The following ECD variants were observed in gnomAD, a reference collection of about 807,000 sequenced individuals.
ECD encodes ecdysoneless cell cycle regulator, also known as protein ecdysoneless homolog.
In ECD, 59 loss-of-function variants were observed where a neutral mutation model predicts 77.2. The observed-to-expected ratio is 0.76, with a 90% confidence interval of 0.62 to 0.95. The LOEUF (loss-of-function observed/expected upper bound fraction) is 0.95. Among genes scored for constraint, ECD ranks in the 40% least tolerant of loss-of-function variants. The pLI is 0.00. For missense variants in ECD, 704 were observed against 763.4 expected (o/e 0.92, Z 0.92); for synonymous variants, 233 against 267.4 (o/e 0.87, Z 1.26).
intron 9 of ECD, among the ~76,000 whole-genome samples, chr10:73,139,982 C>T (rs12268142): frequency 0.025 from 3,847 of 151,600 alleles, 158 homozygotes; most frequent in African/African-American, 0.082. Context: ...AAACACCTGG[C>T]TCTAATTTGT....
intron 11 of ECD, 132 bp downstream of exon 11, chr10:73,139,177 A>T: frequency 1.2e-6 from 1 of 832,714 alleles, no homozygotes; most frequent in Non-Finnish European, 1.8e-6. Context: ...TCACTATACT[A>T]GGCACAAAAA....
chr10:73,158,238 G>T (rs988643024), intron 3 of ECD, among the ~76,000 whole-genome samples: 1 of 151,988 alleles, frequency 6.6e-6, no homozygotes, highest in African/African-American at 2.4e-5. Context: ...TGGGATTACA[G>T]ATGTGAGCCA....
chr10:73,154,498 T>G (rs11000530), intron 5 of ECD, 50 bp from the exon 6 acceptor site: 141,660 of 1,476,882 alleles, frequency 0.096, 11,396 homozygotes, highest in African/African-American at 0.34. Flanking sequence ...TAAATACCTA[T>G]AATTCTTATA....
intron 3 of ECD, among the ~76,000 whole-genome samples, chr10:73,157,336 C>G (rs1373922929): frequency 6.6e-6 from 1 of 151,740 alleles, no homozygotes; most frequent in Non-Finnish European, 1.5e-5. Flanking sequence ...AGGTGTGAGC[C>G]ACCACGCCCG....
chr10:73,156,637 A>G lies in ECD; in HGVS notation c.342T>C (p.Gly114=), dbSNP rs1460577114. The G allele has an allele frequency of 1.1e-5, 17 of 1,613,512 alleles. No individual in the cohort carries two copies. In the East Asian group the frequency reaches 3.8e-4, roughly 36 times the overall value. The change falls in exon 4 of 14, where the codon GGT becomes GGC. Residue 114 remains glycine (G), a synonymous_variant. Transcript: ENST00000372979. ...ELVARIEDND[G]EFLLIEAADF... is the part of the protein sequence containing the mutation. ...CAGCAGCTTCTATTAACAAGAATTC[A>G]CCATCATTGTCTTCAATCCTAATGC... is the stretch of plus-strand genomic sequence containing the variant.
intron 7 of ECD, among the ~76,000 whole-genome samples, chr10:73,150,653 A>G (rs1843189965): frequency 6.6e-6 from 1 of 152,252 alleles, no homozygotes; most frequent in Admixed American, 6.5e-5. Flanking sequence ...TCCAGAATCT[A>G]CAAAGAACTT....
At chr10:73,139,167 T>A (rs1228793604) in intron 11 of ECD, 142 bp downstream of exon 11, 3 of 735,576 alleles carry the variant, frequency 4.1e-6, no homozygotes, top group Non-Finnish European at 4.1e-6. Context: ...AAGTAAGTTA[T>A]CACTATACTA....
intron 13 of ECD, among the ~76,000 whole-genome samples, 153 bp downstream of exon 13, chr10:73,136,551 T>C (rs1842975548): frequency 6.6e-6 from 1 of 152,240 alleles, no homozygotes; most frequent in African/African-American, 2.4e-5. Context: ...ATTAAGTCTA[T>C]GATCCTTTAT....
rs963153279 is a variant in ECD, at chr10:73,134,504, T to C, written c.*79A>G. 3 of 1,304,644 alleles carry C rather than the reference T, an allele frequency of 2.3e-6. No homozygotes were observed. Among genetic ancestry groups the C allele is most frequent in the Non-Finnish European group, 3.2e-6 (3 of 948,836 alleles). 80.8% of individuals were successfully genotyped at this position (1,304,644 alleles called of 1,614,324 possible). A position where few individuals can be genotyped will look rare whatever the true frequency, so the allele number is the denominator to read the frequency against. On this transcript the variant is annotated 3_prime_UTR_variant, in exon 14 of 14. Coordinates refer to ENST00000372979, the MANE Select transcript of ECD (RefSeq NM_007265.3). ...GTAATGAAGAAACATTTTTACTAAA[T>C]GAGTAATCTAAACTAGAAATGAACA...
Position 73,166,827 on chromosome 10 carries a change from T to C in ECD, c.-14+1039A>G, listed in dbSNP as rs575330706. On this transcript the variant is annotated intron_variant, in intron 1 of 13. Transcript: ENST00000372979. ...AGCTTTTTAACTTGATGTGCTCCCATTTGTCCATTTTTGTTTTGGCTGCCT... is the reference window on the plus strand; with the variant it reads ...AGCTTTTTAACTTGATGTGCTCCCACTTGTCCATTTTTGTTTTGGCTGCCT... 3.3e-5 allele frequency among the ~76,000 whole-genome samples: 5 copies of C among 152,348 alleles called. No homozygotes were observed. The South Asian group carries it at 1.0e-3, about 32-fold the overall frequency.
chr10:73,166,466 C>T (rs1443331567), intron 1 of ECD, among the ~76,000 whole-genome samples: 2 of 152,180 alleles, frequency 1.3e-5, no homozygotes, highest in East Asian at 1.9e-4. Flanking sequence ...CAAATCCTTG[C>T]CAGCATTTGT....
intron 11 of ECD, among the ~76,000 whole-genome samples, chr10:73,138,486 AAT>A (rs1843005486): frequency 6.6e-6 from 1 of 152,368 alleles, no homozygotes; most frequent in South Asian, 2.1e-4. Context: ...GAGAATACCA[AAT>A]ATAAATTTAT....
chr10:73,146,137 C>T (rs1466627620), intron 9 of ECD, 139 bp downstream of exon 9: 5 of 270,460 alleles, frequency 1.8e-5, no homozygotes, highest in South Asian at 1.5e-4. Flanking sequence ...GCCCAGGAGG[C>T]GGAGGTTGCC....
chr10:73,155,758 C>A (rs1239625320), intron 5 of ECD, among the ~76,000 whole-genome samples: 1 of 151,992 alleles, frequency 6.6e-6, no homozygotes, highest in Non-Finnish European at 1.5e-5. Flanking sequence ...TGCCACCACG[C>A]CCTGCTATTT....
At chr10:73,159,642 A>ATTTTTTTTTTTTTTT (rs1169258127) in intron 3 of ECD, among the ~76,000 whole-genome samples, 2 of 123,630 alleles carry the variant, frequency 1.6e-5, no homozygotes, top group African/African-American at 6.5e-5. Context: ...CAGTACTTTA[A>ATTTTTTTTTTTTTTT]TTTTTTTTTT....
At chr10:73,147,089 A>G (rs1843140151) in intron 8 of ECD, among the ~76,000 whole-genome samples, 1 of 150,842 alleles carries the variant, frequency 6.6e-6, no homozygotes, top group Admixed American at 6.6e-5. Flanking sequence ...AAGAAAAAAA[A>G]ACAATCTTTA....
intron 7 of ECD, among the ~76,000 whole-genome samples, chr10:73,151,529 TAAAAA>T (rs61450651): frequency 7.3e-6 from 1 of 136,790 alleles, no homozygotes; most frequent in Non-Finnish European, 1.6e-5. Context: ...AGCATAATAA[TAAAAA>T]AAAAAAGAAA....
Position 73,163,762 on chromosome 10 carries a change from G to A in ECD, c.176C>T (p.Pro59Leu). ...CCCAGGTTTATATTTAAGATTGAAA[G>A]GCTGATTCTGCCAGATGTAGGGGAC... ...MLVPYIWQNQ[P>L]FNLKYKPGKG... Residue 59 changes from proline to leucine, a missense_variant, in exon 2 of 14, where the codon CCT becomes CTT. By Grantham distance (98) the Pro-to-Leu change is moderately conservative. Around this residue, in one of 3 missense-constraint regions of ECD, gnomAD observed 559 missense variants for 583.7 expected, o/e 0.96. Transcript: ENST00000372979. 1 of 1,614,126 alleles carries A rather than the reference G, an allele frequency of 6.2e-7. No homozygotes were observed. The highest frequency in any genetic ancestry group is 1.3e-5 in the African/African-American group (1 of 75,026).
chr10:73,135,683 T>C (rs1246622683), intron 13 of ECD, among the ~76,000 whole-genome samples: 1 of 151,928 alleles, frequency 6.6e-6, no homozygotes, highest in African/African-American at 2.4e-5. Context: ...ATCGTGCCAC[T>C]GTACTCCAGC....
Sources: gnomAD v4.1 joint callset for allele counts (sites outside exome capture counted in the v4.1 genomes callset) on GRCh38, gnomAD v4.1.1 for gene constraint, gnomAD v4.1.1 regional missense constraint, MANE v1.5 for transcripts, NCBI Gene and HGNC (gene_info 2026-07-23, HGNC 2026-07-21) for gene names.